TFPI2: variants seen among roughly 807,000 people sequenced by gnomAD.
The protein encoded by TFPI2 is placental protein 5.
TFPI2 carries 23 observed loss-of-function variants against 23.1 expected under a neutral mutation model. The observed-to-expected ratio is 1.00, with a 90% CI of 0.72 to 1.41. The LOEUF (loss-of-function observed/expected upper bound fraction) is 1.41, where lower values mean the gene tolerates loss of function less well. Ranked by LOEUF, TFPI2 falls within the 40% of genes most tolerant of loss-of-function variation. The probability of loss-of-function intolerance (pLI) is 0.00; values close to 1 mark genes in which losing one functional copy is unlikely to be tolerated. For synonymous variants in TFPI2, 119 were observed against 111.7 expected, an observed-to-expected ratio of 1.07 and a Z score of -0.41; for missense variants, 291 against 299.6, an observed-to-expected ratio of 0.97 and a Z score of 0.21.
In TFPI2 at chr7:93,886,581, T is replaced by C. The variant is rs980258890; in HGVS notation, c.*239A>G. ...CATATTTGCTTTTATATCTTATGCA[T>C]TGCAAGAATTCAGTCTCACAAACAG... On this transcript the variant is annotated 3_prime_UTR_variant, in exon 5 of 5. Coordinates refer to ENST00000222543, the MANE Select transcript of TFPI2 (RefSeq NM_006528.4). 3.4e-5 allele frequency: 13 copies of C among 387,052 alleles called. No homozygotes were observed. The East Asian group carries it at 6.4e-4, about 19-fold the overall frequency. The allele number at this position is 387,052 out of a possible 1,614,324, so 24.0% of individuals were successfully genotyped here. A position where few individuals can be genotyped will look rare whatever the true frequency, so the allele number is the denominator to read the frequency against.
In TFPI2 at chr7:93,890,696, G is replaced by T. The variant is rs201033166; in HGVS notation, c.-18C>A. The T allele has an allele frequency of 9.7e-3, 15,548 of 1,599,988 alleles. 101 individuals are homozygous for T. The highest frequency in any genetic ancestry group is 0.012 in the Non-Finnish European group (14,463 of 1,174,502). ...GGGTCCATGGTGCAGGGGGTCGGGCGGCCCGCTGGGCAAGGCGTCCGAGAA... is the reference window on the plus strand; with the variant it reads ...GGGTCCATGGTGCAGGGGGTCGGGCTGCCCGCTGGGCAAGGCGTCCGAGAA... On this transcript the variant is annotated 5_prime_UTR_variant, in exon 1 of 5. Coordinates refer to ENST00000222543, the MANE Select transcript of TFPI2 (RefSeq NM_006528.4).
intron 3 of TFPI2, among the ~76,000 whole-genome samples, chr7:93,888,524 A>AGAAGGAAG (rs745771609): frequency 2.6e-5 from 3 of 116,634 alleles, no homozygotes; most frequent in Non-Finnish European, 5.4e-5. Flanking sequence ...AAAGAAAGAA[A>AGAAGGAAG]GAAGGAAGGA....
At chr7:93,888,424 C>T (rs998050356) in intron 3 of TFPI2, among the ~76,000 whole-genome samples, 1 of 150,738 alleles carries the variant, frequency 6.6e-6, no homozygotes, top group Non-Finnish European at 1.5e-5. Flanking sequence ...TTTGGGAGGC[C>T]GAGGTGGGCA....
intron 2 of TFPI2, 72 bp downstream of exon 2, chr7:93,890,065 G>GA: frequency 2.0e-6 from 3 of 1,464,456 alleles, no homozygotes; most frequent in Non-Finnish European, 2.8e-6. Flanking sequence ...CGAGACGTGG[G>GA]AAACTGGCGA....
At chr7:93,888,769 G>A (rs189279368) in intron 3 of TFPI2, among the ~76,000 whole-genome samples, 5 of 152,222 alleles carry the variant, frequency 3.3e-5, no homozygotes, top group Non-Finnish European at 5.9e-5. Context: ...AGAGGTTGCA[G>A]AGAGCCGAGA....
At chr7:93,889,886 G>A (rs112682995) in intron 2 of TFPI2, 2 of 391,466 alleles carry the variant, frequency 5.1e-6, no homozygotes, top group African/African-American at 2.1e-5. Context: ...CCATGGTGAG[G>A]GAACAAATCT....
At chr7:93,887,041 T>C in intron 4 of TFPI2, 145 bp from the exon 5 acceptor site, 1 of 754,010 alleles carries the variant, frequency 1.3e-6, no homozygotes. Context: ...ACTCAGTTAA[T>C]AATATTTTAC....
intron 3 of TFPI2, 68 bp downstream of exon 3, chr7:93,888,967 T>C (rs776129547): frequency 2.8e-6 from 4 of 1,413,582 alleles, no homozygotes; most frequent in African/African-American, 1.5e-5. Flanking sequence ...TCGCATCAAA[T>C]TGAGTTTTTT....
At chr7:93,887,983 A>C (rs1794029689) in intron 3 of TFPI2, among the ~76,000 whole-genome samples, 1 of 152,216 alleles carries the variant, frequency 6.6e-6, no homozygotes, top group South Asian at 2.1e-4. Context: ...TTCTCTGCCA[A>C]AGCAAGTTTT....
Position 93,887,352 on chromosome 7 carries a change from G to A in TFPI2, c.540C>T (p.Tyr180=), listed in dbSNP as rs368677393. 1 of 1,613,776 alleles carries A rather than the reference G, an allele frequency of 6.2e-7. No individual in the cohort carries two copies. Among genetic ancestry groups the A allele is most frequent in the Admixed American group, 1.7e-5 (1 of 60,018 alleles). ...TATAGGTGAAAGCATCACAGGTTCTGTATCTTGGATTAAAATAATAGCGAG... is the reference window on the plus strand; with the variant it reads ...TATAGGTGAAAGCATCACAGGTTCTATATCTTGGATTAAAATAATAGCGAG... ...NVTRYYFNPR[Y]RTCDAFTYTG... is the part of the protein sequence containing the mutation. The change falls in exon 4 of 5, where the codon TAC becomes TAT. Residue 180 remains tyrosine, a synonymous_variant. Transcript: ENST00000222543.
In TFPI2 at chr7:93,887,370, A is replaced by G; in HGVS notation, c.522T>C (p.Tyr174=). The G allele has an allele frequency of 1.9e-6, 3 of 1,613,912 alleles. No homozygotes were observed. Among genetic ancestry groups the G allele is most frequent in the Non-Finnish European group, 2.5e-6 (3 of 1,179,836 alleles). Residue 174 remains tyrosine, a synonymous_variant, in exon 4 of 5, where the codon TAT becomes TAC. Transcript: ENST00000222543. ...AGGTTCTGTATCTTGGATTAAAATA[A>G]TAGCGAGTCACATTGGCAGAGCACA... The part of the protein sequence containing the change: ...EGLCSANVTR[Y]YFNPRYRTCD...
intron 4 of TFPI2, 78 bp from the exon 5 acceptor site, chr7:93,886,974 G>A: frequency 4.7e-6 from 5 of 1,060,106 alleles, no homozygotes; most frequent in Admixed American, 2.7e-5. Flanking sequence ...TTCTGATAAG[G>A]TTATTGAGCT....
chr7:93,889,363 G>T (rs1300862660), intron 2 of TFPI2, 140 bp from the exon 3 acceptor site: 4 of 720,924 alleles, frequency 5.5e-6, no homozygotes, highest in Non-Finnish European at 6.5e-6. Flanking sequence ...ATACTCCCAT[G>T]AATCCAGATA....
At chr7:93,888,682 C>G (rs1297810656) in intron 3 of TFPI2, among the ~76,000 whole-genome samples, 1 of 151,104 alleles carries the variant, frequency 6.6e-6, no homozygotes, top group African/African-American at 2.4e-5. Context: ...AAAAAATTAG[C>G]TGGGCATGGT....
intron 3 of TFPI2, 125 bp from the exon 4 acceptor site, chr7:93,887,556 T>C: frequency 4.4e-6 from 3 of 683,710 alleles, no homozygotes; most frequent in Non-Finnish European, 4.7e-6. Flanking sequence ...CAAAATATCA[T>C]ACTAAACCTT....
rs1794106285 is a variant in TFPI2 at position 93,890,310 on chromosome 7, G to C, written c.98C>G (p.Ala33Gly). The change falls in exon 2 of 5, where the codon GCG (alanine) becomes GGG (glycine). Residue 33 changes from alanine to glycine, a missense_variant. Transcript: ENST00000222543. ...DAAQEPTGNN[A>G]EICLLPLDYG... ...GTCTAGGGGCAGGAGACAGATCTCC[G>C]CGTTATTTCCTGAAGAAGGGGCAGA... is the stretch of plus-strand genomic sequence containing the variant. 2 of 1,605,260 alleles carry C rather than the reference G, an allele frequency of 1.2e-6. No homozygotes were observed. Among genetic ancestry groups the C allele is most frequent in the African/African-American group, 2.7e-5 (2 of 74,734 alleles).
chr7:93,890,516 G>T (rs962124962), intron 1 of TFPI2, 75 bp downstream of exon 1: 15 of 1,498,714 alleles, frequency 1.0e-5, no homozygotes, highest in Non-Finnish European at 1.3e-5. Context: ...CTTGGAGGGC[G>T]CCTACACGGG....
intron 2 of TFPI2, among the ~76,000 whole-genome samples, chr7:93,889,548 G>C (rs1331734389): frequency 1.3e-5 from 2 of 151,970 alleles, no homozygotes; most frequent in Non-Finnish European, 2.9e-5. Flanking sequence ...TCCTTGAATG[G>C]AAAAGCCCCA....
rs1794014563 is a variant in TFPI2, at chr7:93,887,339, C to T, written c.553G>A (p.Ala185Thr). 2.5e-6 allele frequency: 4 copies of T among 1,613,886 alleles called. No homozygotes were observed. The highest frequency in any genetic ancestry group is 3.4e-6 in the Non-Finnish European group (4 of 1,179,830). The change falls in exon 4 of 5, where the codon GCT becomes ACT. Residue 185 changes from alanine to threonine, a missense_variant. Physicochemically the swap from Ala to Thr is moderately conservative, Grantham distance 58. Coordinates refer to ENST00000222543, the MANE Select transcript of TFPI2 (RefSeq NM_006528.4). ...YFNPRYRTCD[A>T]FTYTGCGGND... Reference sequence around the variant, plus strand: ...CCTCCACAGCCAGTATAGGTGAAAGCATCACAGGTTCTGTATCTTGGATTA... The same window carrying T: ...CCTCCACAGCCAGTATAGGTGAAAGTATCACAGGTTCTGTATCTTGGATTA...
Sources: gnomAD v4.1 joint callset for allele counts (sites outside exome capture counted in the v4.1 genomes callset) on GRCh38, gnomAD v4.1.1 for gene constraint, MANE v1.5 for transcripts, NCBI Gene and HGNC (gene_info 2026-07-23, HGNC 2026-07-21) for gene names.